Variants in CDC23 observed in about 807,000 individuals in gnomAD.
The protein encoded by CDC23 is cell division cycle 23.
CDC23 carries 26 observed loss-of-function variants against 81.7 expected under a neutral mutation model. The ratio of observed to expected loss-of-function variants is 0.32; its 90% CI spans 0.23 to 0.44. The LOEUF is 0.44. Ranked by LOEUF, CDC23 falls within the 20% of genes least tolerant of loss-of-function variation. The pLI, the probability that CDC23 is intolerant of heterozygous loss-of-function variation, is 1.00. For missense variants in CDC23, 519 were observed against 728.0 expected, an observed-to-expected ratio of 0.71 and a Z score of 3.30; for synonymous variants, 267 against 270.8, an observed-to-expected ratio of 0.99 and a Z score of 0.14.
chr5:138,204,924 T>C (rs531953803), intron 3 of CDC23, among the ~76,000 whole-genome samples: 9 of 150,778 alleles, frequency 6.0e-5, no homozygotes, highest in South Asian at 2.1e-4. Flanking sequence ...TTCTTTCTTT[T>C]TTTTTTTGGT....
chr5:138,198,386 A>C (rs753009798), intron 8 of CDC23, 40 bp downstream of exon 8: 3 of 1,601,598 alleles, frequency 1.9e-6, no homozygotes, highest in East Asian at 4.5e-5. Flanking sequence ...ATTAGTGCAC[A>C]AAAGAGCTTA....
In CDC23 at chr5:138,189,651, CTT is replaced by C; in HGVS notation, c.1603_1604del (p.Lys535ValfsTer5). 1 of 1,613,694 alleles carries C rather than the reference CTT, an allele frequency of 6.2e-7. No individual in the cohort carries two copies. Among genetic ancestry groups the C allele is most frequent in the Non-Finnish European group, 8.5e-7 (1 of 1,179,698 alleles). On this transcript the variant is annotated frameshift_variant, in exon 15 of 16. Coordinates refer to ENST00000394886, the MANE Select transcript of CDC23 (RefSeq NM_004661.4). LOFTEE classifies it high-confidence loss of function. ...LWDEASTCAQ[K>X]CCAFNDTREE... is the part of the protein sequence containing the mutation. Reference sequence around the variant, plus strand: ...TACTCACATCATTAAATGCACAACACTTTTGTGCACAAGTTGAAGCTTCATCC... The same window carrying C: ...TACTCACATCATTAAATGCACAACACTTGTGCACAAGTTGAAGCTTCATCC...
At chr5:138,212,638 C>T (rs933253796) in intron 2 of CDC23, among the ~76,000 whole-genome samples, 2 of 152,070 alleles carry the variant, frequency 1.3e-5, no homozygotes, top group Non-Finnish European at 2.9e-5. Context: ...TCTTCTCATC[C>T]TTTTGGGTAT....
chr5:138,189,233 C>A, intron 15 of CDC23, 85 bp from the exon 16 acceptor site: 1 of 1,328,106 alleles, frequency 7.5e-7, no homozygotes, highest in Admixed American at 2.1e-5. Context: ...AAACAAGTTC[C>A]ACAGATCAAG....
chr5:138,191,397 G>C, intron 13 of CDC23, 77 bp downstream of exon 13: 1 of 1,175,950 alleles, frequency 8.5e-7, no homozygotes, highest in Non-Finnish European at 1.3e-6. Flanking sequence ...GTGTATGGGA[G>C]GCTCTAGACC....
chr5:138,190,166 T>C, intron 13 of CDC23: 1 of 459,750 alleles, frequency 2.2e-6, no homozygotes, highest in South Asian at 2.5e-5. Context: ...GCAAAAATTA[T>C]CTAGTAATAC....
chr5:138,203,040 A>C (rs954375807), intron 3 of CDC23, among the ~76,000 whole-genome samples: 9 of 152,218 alleles, frequency 5.9e-5, no homozygotes, highest in African/African-American at 2.2e-4. Flanking sequence ...GAGGGGCTTA[A>C]AGGCATTGTG....
chr5:138,201,311 T>TA, intron 5 of CDC23, 32 bp downstream of exon 5: 1 of 1,612,944 alleles, frequency 6.2e-7, no homozygotes, highest in South Asian at 1.1e-5. Flanking sequence ...GAGAATATGT[T>TA]ACAGAAAGTT....
chr5:138,202,200 A>G (rs768634052), intron 3 of CDC23, 45 bp from the exon 4 acceptor site: 2 of 1,482,010 alleles, frequency 1.3e-6, no homozygotes, highest in East Asian at 2.3e-5. Context: ...AGTTTATTCT[A>G]AAACATACTT....
intron 6 of CDC23, among the ~76,000 whole-genome samples, chr5:138,200,639 G>A (rs1249376166): frequency 6.6e-6 from 1 of 152,080 alleles, no homozygotes; most frequent in Non-Finnish European, 1.5e-5. Context: ...GGCCGACATG[G>A]TGAAACCCCA....
At chr5:138,213,129 C>T (rs751620957) in intron 1 of CDC23, 23 bp downstream of exon 1, 19 of 1,614,186 alleles carry the variant, frequency 1.2e-5, no homozygotes, top group Non-Finnish European at 1.4e-5. Flanking sequence ...CAAGCCCCGT[C>T]CCTTCCCACT....
intron 3 of CDC23, among the ~76,000 whole-genome samples, chr5:138,203,366 TG>T (rs1755011642): frequency 1.3e-5 from 2 of 152,110 alleles, no homozygotes; most frequent in South Asian, 4.1e-4. Flanking sequence ...AGGAGGTATA[TG>T]GGAACTCCTG....
intron 2 of CDC23, among the ~76,000 whole-genome samples, chr5:138,212,224 T>A (rs1755121223): frequency 6.6e-6 from 1 of 152,116 alleles, no homozygotes; most frequent in South Asian, 2.1e-4. Flanking sequence ...TTGCCAAAGG[T>A]CATTTGAACC....
At position 138,189,023 on chromosome 5, in the gene CDC23, G is replaced by C; in HGVS notation, c.1749C>G (p.Pro583=). The part of the protein sequence containing the change: ...LPASLSANNT[P]TRRVSPLNLS... ...AGTTGAGTGGAGAAACTCTGCGTGT[G>C]GGGGTATTGTTAGCAGAGAGTGAAG... The change falls in exon 16 of 16, where the codon CCC becomes CCG. Residue 583 remains proline (P), a synonymous_variant. Coordinates refer to ENST00000394886, the MANE Select transcript of CDC23 (RefSeq NM_004661.4). 6.2e-7 allele frequency: 1 copy of C among 1,614,110 alleles called. No homozygotes were observed. Among genetic ancestry groups the C allele is most frequent in the Non-Finnish European group, 8.5e-7 (1 of 1,179,976 alleles).
intron 3 of CDC23, among the ~76,000 whole-genome samples, chr5:138,203,835 C>T (rs893926113): frequency 6.6e-6 from 1 of 152,074 alleles, no homozygotes; most frequent in African/African-American, 2.4e-5. Context: ...ATCGCTTGAA[C>T]CTGGGAGGCG....
At chr5:138,201,269 T>C (rs1420367266) in intron 5 of CDC23, 30 bp from the exon 6 acceptor site, 6 of 1,613,732 alleles carry the variant, frequency 3.7e-6, no homozygotes, top group Non-Finnish European at 4.2e-6. Flanking sequence ...ATCACAGAAG[T>C]TAATGCTATT....
Position 138,191,945 on chromosome 5 carries a change from A to C in CDC23, c.1287-8T>G. 1 of 1,613,112 alleles carries C rather than the reference A, an allele frequency of 6.2e-7. No homozygotes were observed. The highest frequency in any genetic ancestry group is 1.1e-5 in the South Asian group (1 of 91,026). On this transcript the variant is annotated splice_region_variant and splice_polypyrimidine_tract_variant and intron_variant, in intron 11 of 15. Coordinates refer to ENST00000394886, the MANE Select transcript of CDC23 (RefSeq NM_004661.4). ...ATGCGAGAATCATTGGGTCTGAGAAAGAAGAACAGGCAGTCTGAGCAAAGA... is the reference window on the plus strand; with the variant it reads ...ATGCGAGAATCATTGGGTCTGAGAACGAAGAACAGGCAGTCTGAGCAAAGA...
At position 138,209,020 on chromosome 5, in the gene CDC23, A is replaced by G. The variant is rs142672793; in HGVS notation, c.235-2336T>C. Among the ~76,000 whole-genome samples, 972 of 152,274 alleles carry G rather than the reference A, an allele frequency of 6.4e-3. 7 individuals carry two copies. Among genetic ancestry groups the G allele is most frequent in the Middle Eastern group, 0.02 (6 of 294 alleles). ...GGCTGGTCTGGAACTCCCGGCCTCA[A>G]GCAGTCCTCCCAAAGTGCTGGGATT... On this transcript the variant is annotated intron_variant, in intron 2 of 15. Coordinates refer to ENST00000394886, the MANE Select transcript of CDC23 (RefSeq NM_004661.4).
chr5:138,212,001 CATT>C (rs761504980), intron 2 of CDC23, among the ~76,000 whole-genome samples: 17 of 152,158 alleles, frequency 1.1e-4, no homozygotes, highest in Admixed American at 9.8e-4. Flanking sequence ...CAATTATTAA[CATT>C]ATCTATAGAT....
Sources: gnomAD v4.1 joint callset for allele counts (sites outside exome capture counted in the v4.1 genomes callset) on GRCh38, gnomAD v4.1.1 for gene constraint, MANE v1.5 for transcripts, NCBI Gene and HGNC (gene_info 2026-07-23, HGNC 2026-07-21) for gene names.